KIF15: variants seen among roughly 807,000 people sequenced by gnomAD.
KIF15 encodes kinesin family member 15.
Under a neutral mutation model 190.6 loss-of-function variants are expected in KIF15, and 140 were observed. The observed-to-expected ratio is 0.73, with a 90% confidence interval of 0.64 to 0.84. The LOEUF (loss-of-function observed/expected upper bound fraction) is 0.84, where lower values mean the gene tolerates loss of function less well. Among genes scored for constraint, KIF15 ranks in the 40% least tolerant of loss-of-function variants. KIF15 has a pLI of 0.00. For missense variants in KIF15, 1,372 were observed against 1,584.4 expected (o/e 0.87, Z 2.28); for synonymous variants, 528 against 551.3 (o/e 0.96, Z 0.59).
intron 8 of KIF15, among the ~76,000 whole-genome samples, chr3:44,796,676 C>CG (rs1706999937): frequency 6.6e-6 from 1 of 152,114 alleles, no homozygotes; most frequent in Non-Finnish European, 1.5e-5. Context: ...ACTGCAGACC[C>CG]AGTTTTCAAA....
intron 26 of KIF15, among the ~76,000 whole-genome samples, chr3:44,832,702 G>C (rs1321668711): frequency 6.6e-6 from 1 of 152,136 alleles, no homozygotes; most frequent in Non-Finnish European, 1.5e-5. Context: ...ATTTGAAGCT[G>C]CTAACACACA....
intron 4 of KIF15, among the ~76,000 whole-genome samples, chr3:44,779,821 GAAAAAAA>G (rs397875811): frequency 1.0e-5 from 1 of 100,020 alleles, no homozygotes; most frequent in Non-Finnish European, 2.0e-5. Flanking sequence ...GTGACAGAGT[GAAAAAAA>G]AAAAAAAAAA....
At chr3:44,807,346 TC>T (rs1354241193) in intron 16 of KIF15, among the ~76,000 whole-genome samples, 1 of 152,026 alleles carries the variant, frequency 6.6e-6, no homozygotes, top group African/African-American at 2.4e-5. Flanking sequence ...TGCCTCTGCC[TC>T]CCGAGTAGTT....
intron 6 of KIF15, chr3:44,864,169 G>C (rs773789170): frequency 1.6e-5 from 25 of 1,612,268 alleles, no homozygotes; most frequent in Non-Finnish European, 2.1e-5. Context: ...CAGGGTGGAC[G>C]TGGCTGCAGT....
chr3:44,794,929 G>A (rs888903199), intron 8 of KIF15, among the ~76,000 whole-genome samples: 9 of 152,192 alleles, frequency 5.9e-5, no homozygotes, highest in East Asian at 1.9e-4. Flanking sequence ...GCCACTGCAC[G>A]CCAGTCTGGG....
chr3:44,809,838 G>A (rs544375330), intron 16 of KIF15, among the ~76,000 whole-genome samples: 9 of 152,226 alleles, frequency 5.9e-5, no homozygotes, highest in South Asian at 2.1e-4. Flanking sequence ...AGGCCAAAGC[G>A]GGCAGATCAC....
intron 1 of KIF15, among the ~76,000 whole-genome samples, chr3:44,767,264 GC>G (rs1478418584): frequency 6.6e-6 from 1 of 152,186 alleles, no homozygotes; most frequent in East Asian, 1.9e-4. Flanking sequence ...AGAAAGAGAA[GC>G]AGAAAGACTA....
chr3:44,785,072 T>TA (rs1011323437), intron 6 of KIF15, 130 bp downstream of exon 6: 891 of 497,030 alleles, frequency 1.8e-3, no homozygotes, highest in South Asian at 3.3e-3. Flanking sequence ...TAGCGTGGCA[T>TA]AAAAAAAAAC....
At chr3:44,805,764 G>A in intron 15 of KIF15, 81 bp from the exon 16 acceptor site, 1 of 1,242,378 alleles carries the variant, frequency 8.0e-7, no homozygotes. Flanking sequence ...AAAGTTATGT[G>A]AGAGCATAAA....
At chr3:44,868,336 C>T (rs1206796086) in intron 6 of KIF15, among the ~76,000 whole-genome samples, 1 of 151,842 alleles carries the variant, frequency 6.6e-6, no homozygotes, top group Non-Finnish European at 1.5e-5. Context: ...TGTGGATCTA[C>T]CACATTATGT....
chr3:44,801,582 TG>T, intron 12 of KIF15, 56 bp downstream of exon 12: 1 of 1,139,582 alleles, frequency 8.8e-7, no homozygotes. Flanking sequence ...TTTTGCTGTG[TG>T]GTTTTTATTG....
chr3:44,789,640 TTTTATATATATATATATATATA>T (rs1396832843), intron 7 of KIF15, among the ~76,000 whole-genome samples: 2 of 79,886 alleles, frequency 2.5e-5, no homozygotes, highest in East Asian at 3.1e-4. Context: ...TTTTGTCTAA[TTTTATATATATATATATATATA>T]TATATATATA....
At chr3:44,811,368 G>A (rs1029808474) in intron 17 of KIF15, among the ~76,000 whole-genome samples, 29 of 152,262 alleles carry the variant, frequency 1.9e-4, no homozygotes, top group Non-Finnish European at 3.1e-4. Context: ...AAAAGAGGCC[G>A]GGTGCGGTGG....
chr3:44,779,619 G>A (rs1706071019), intron 4 of KIF15, among the ~76,000 whole-genome samples: 1 of 152,024 alleles, frequency 6.6e-6, no homozygotes, highest in Admixed American at 6.5e-5. Flanking sequence ...TGGATCACGA[G>A]GTCAGGAGTT....
At chr3:44,762,780 C>T (rs1233544613) in intron 1 of KIF15, among the ~76,000 whole-genome samples, 2 of 151,756 alleles carry the variant, frequency 1.3e-5, no homozygotes, top group Non-Finnish European at 1.5e-5. Flanking sequence ...CACACCTAAT[C>T]GGAACACCTC....
At chr3:44,805,283 C>T (rs1016698459) in intron 15 of KIF15, 115 bp downstream of exon 15, 76 of 944,878 alleles carry the variant, frequency 8.0e-5, no homozygotes, top group Non-Finnish European at 2.7e-5. Flanking sequence ...ACTCTCATAG[C>T]AGCAACTACT....
At chr3:44,814,502 G>T (rs1331240611) in intron 19 of KIF15, among the ~76,000 whole-genome samples, 1 of 152,092 alleles carries the variant, frequency 6.6e-6, no homozygotes, top group African/African-American at 2.4e-5. Context: ...GTAGAGACAG[G>T]GTTTTGCCAT....
chr3:44,840,538 C>G, intron 28 of KIF15, 82 bp downstream of exon 28: 2 of 875,444 alleles, frequency 2.3e-6, no homozygotes, highest in Non-Finnish European at 3.6e-6. Context: ...AAGAACATAC[C>G]TTTGTCTTTT....
intron 1 of KIF15, among the ~76,000 whole-genome samples, chr3:44,765,270 C>G (rs1705328996): frequency 1.3e-5 from 2 of 152,226 alleles, no homozygotes; most frequent in South Asian, 4.1e-4. Flanking sequence ...AGATCAGTAT[C>G]CATCTAATCA....
Sources: allele counts gnomAD v4.1 joint callset (sites outside exome capture counted in the v4.1 genomes callset), GRCh38; gene constraint gnomAD v4.1.1; transcripts MANE v1.5; gene names NCBI Gene and HGNC (gene_info 2026-07-23, HGNC 2026-07-21).